The following PDE2A variants were observed in gnomAD, a reference collection of about 807,000 sequenced individuals.
PDE2A encodes phosphodiesterase 2A.
PDE2A carries 53 observed loss-of-function variants against 133.6 expected under a neutral mutation model. That is an observed-to-expected ratio of 0.40 (90% CI 0.32 to 0.50). The LOEUF (loss-of-function observed/expected upper bound fraction) is 0.50. Ranked by LOEUF, PDE2A falls within the 20% of genes least tolerant of loss-of-function variation. The pLI is 0.73. For synonymous variants in PDE2A, 491 were observed against 490.2 expected, an observed-to-expected ratio of 1.00 and a Z score of -0.02; for missense variants, 796 against 1,232.4, an observed-to-expected ratio of 0.65 and a Z score of 5.30.
chr11:72,591,397 A>G (rs566757785), intron 6 of PDE2A, 41 bp from the exon 7 acceptor site: 6 of 1,532,798 alleles, frequency 3.9e-6, no homozygotes, highest in East Asian at 2.2e-5. Flanking sequence ...GACCTCTCTC[A>G]GTGTCTGTCT....
intron 2 of PDE2A, among the ~76,000 whole-genome samples, chr11:72,641,165 C>T (rs767616012): frequency 8.1e-4 from 124 of 152,328 alleles, no homozygotes; most frequent in African/African-American, 2.8e-3. Context: ...TAGCCGCCCC[C>T]GTCAAGACCA....
chr11:72,673,421 A>ACACACC (rs761245734), intron 1 of PDE2A, among the ~76,000 whole-genome samples: 256 of 147,622 alleles, frequency 1.7e-3, no homozygotes, highest in South Asian at 9.7e-3. Flanking sequence ...ACACACACAT[A>ACACACC]CCCTGCCTAC....
rs1412968477 is a variant in PDE2A, at chr11:72,577,341, G to T, written c.*43C>A. 1 of 1,473,824 alleles carries T rather than the reference G, an allele frequency of 6.8e-7. No homozygotes were observed. 91.3% of individuals were successfully genotyped at this position (1,473,824 alleles called of 1,614,324 possible). A position where few individuals can be genotyped will look rare whatever the true frequency, so the allele number is the denominator to read the frequency against. On this transcript the variant is annotated 3_prime_UTR_variant, in exon 31 of 31. Transcript: ENST00000334456. Reference sequence around the variant, plus strand: ...GTGCATCTGGCCAGACCAGTGGAGGGCTGTGGGAGGTGGCCTGGGCAGGGA... The same window carrying T: ...GTGCATCTGGCCAGACCAGTGGAGGTCTGTGGGAGGTGGCCTGGGCAGGGA...
At chr11:72,667,083 G>C (rs1161357031) in intron 1 of PDE2A, among the ~76,000 whole-genome samples, 2 of 152,178 alleles carry the variant, frequency 1.3e-5, no homozygotes, top group African/African-American at 4.8e-5. Context: ...TCCAGTCTGG[G>C]TGAGAGTGTG....
At position 72,664,364 on chromosome 11, in the gene PDE2A, A is replaced by ATTTTTTTTTTTTTTT. The variant is rs34217943; in HGVS notation, c.71+9758_71+9772dup. 4.6e-4 allele frequency among the ~76,000 whole-genome samples: 32 copies of ATTTTTTTTTTTTTTT among 70,076 alleles called. 5 individuals carry two copies. The highest frequency in any genetic ancestry group is 6.0e-4 in the African/African-American group (10 of 16,554). The allele number at this position is 70,076 out of a possible 152,430, so 46.0% of individuals were successfully genotyped here. ...CAAAATAGGGCTAGCCCCTTGAAGG[A>ATTTTTTTTTTTTTTT]TTTTTTTTTTTTTTTTTTTTTTTTT... On this transcript the variant is annotated intron_variant, in intron 1 of 30. Coordinates refer to ENST00000334456, the MANE Select transcript of PDE2A (RefSeq NM_002599.5).
At chr11:72,612,592 G>GTT (rs1857261680) in intron 2 of PDE2A, among the ~76,000 whole-genome samples, 1 of 151,810 alleles carries the variant, frequency 6.6e-6, no homozygotes. Flanking sequence ...GCAGCATATA[G>GTT]TTCTATGGTT....
At chr11:72,602,213 T>TG (rs550771994) in intron 4 of PDE2A, among the ~76,000 whole-genome samples, 1 of 152,200 alleles carries the variant, frequency 6.6e-6, no homozygotes, top group South Asian at 2.1e-4. Flanking sequence ...CCAAACACAC[T>TG]GGGGGGATGC....
Position 72,577,336 on chromosome 11 carries a change from G to A in PDE2A, c.*48C>T, listed in dbSNP as rs371364645. The A allele has an allele frequency of 5.5e-6, 8 of 1,444,310 alleles. No homozygotes were observed. The highest frequency in any genetic ancestry group is 4.5e-5 in the East Asian group (2 of 44,024). 89.5% of individuals were successfully genotyped at this position (1,444,310 alleles called of 1,614,324 possible). On this transcript the variant is annotated 3_prime_UTR_variant, in exon 31 of 31. Transcript: ENST00000334456. ...TCCCAGTGCATCTGGCCAGACCAGT[G>A]GAGGGCTGTGGGAGGTGGCCTGGGC...
At chr11:72,589,853 C>T in intron 10 of PDE2A, 54 bp downstream of exon 10, 1 of 1,608,626 alleles carries the variant, frequency 6.2e-7, no homozygotes, top group Non-Finnish European at 8.5e-7. Flanking sequence ...CCCTCGGAGA[C>T]CCGAGTTCCT....
chr11:72,622,563 C>T (rs770414149), intron 2 of PDE2A, among the ~76,000 whole-genome samples: 2 of 152,298 alleles, frequency 1.3e-5, no homozygotes, highest in Non-Finnish European at 2.9e-5. Flanking sequence ...AACTTGAAGA[C>T]GTTATGCTAA....
At chr11:72,586,971 G>T (rs1410022025) in intron 13 of PDE2A, among the ~76,000 whole-genome samples, 1 of 152,098 alleles carries the variant, frequency 6.6e-6, no homozygotes, top group Admixed American at 6.6e-5. Context: ...TTACATTTGT[G>T]GTCCCTCAGC....
At chr11:72,649,280 T>C (rs1171843489) in intron 1 of PDE2A, 2 of 152,264 alleles carry the variant, frequency 1.3e-5, no homozygotes, top group African/African-American at 4.8e-5. Flanking sequence ...CCCAGAAGAA[T>C]TGCTCAAAAA....
chr11:72,673,410 CACACACACAT>C (rs962346423), intron 1 of PDE2A, among the ~76,000 whole-genome samples: 26 of 151,564 alleles, frequency 1.7e-4, no homozygotes, highest in Non-Finnish European at 3.5e-4. Flanking sequence ...CACACACACA[CACACACACAT>C]ACCCTGCCTA....
chr11:72,662,551 C>T (rs1855096991), intron 1 of PDE2A, among the ~76,000 whole-genome samples: 1 of 152,068 alleles, frequency 6.6e-6, no homozygotes, highest in Non-Finnish European at 1.5e-5. Flanking sequence ...GAGGGGGTGG[C>T]TTATGGGTGC....
At chr11:72,669,596 T>C (rs528091820) in intron 1 of PDE2A, among the ~76,000 whole-genome samples, 2 of 152,252 alleles carry the variant, frequency 1.3e-5, no homozygotes, top group South Asian at 4.2e-4. Flanking sequence ...GCCACAATCC[T>C]GTGTCTCAGA....
chr11:72,674,283 A>G lies in PDE2A; in HGVS notation c.-76T>C. The G allele has an allele frequency of 6.9e-7, 1 of 1,456,628 alleles. No individual in the cohort carries two copies. Among genetic ancestry groups the G allele is most frequent in the Non-Finnish European group, 9.3e-7 (1 of 1,071,622 alleles). The allele number at this position is 1,456,628 out of a possible 1,614,324, so 90.2% of individuals were successfully genotyped here. A position where few individuals can be genotyped will look rare whatever the true frequency, so the allele number is the denominator to read the frequency against. Reference sequence around the variant, plus strand: ...GTCCCCGCTGCCTGGAGTTCAGGGCAGGGCACCCCCAGCAGGCACAGGGAC... The same window carrying G: ...GTCCCCGCTGCCTGGAGTTCAGGGCGGGGCACCCCCAGCAGGCACAGGGAC... On this transcript the variant is annotated 5_prime_UTR_variant, in exon 1 of 31. Coordinates refer to ENST00000334456, the MANE Select transcript of PDE2A (RefSeq NM_002599.5).
intron 2 of PDE2A, among the ~76,000 whole-genome samples, chr11:72,633,887 C>T (rs948341283): frequency 1.9e-4 from 29 of 152,288 alleles, no homozygotes; most frequent in Non-Finnish European, 3.5e-4. Context: ...AAACCCTGGA[C>T]GCCTGATGCC....
chr11:72,612,837 G>A (rs11235548), intron 2 of PDE2A, among the ~76,000 whole-genome samples: 22,666 of 152,096 alleles, frequency 0.15, 2,471 homozygotes, highest in East Asian at 0.46. Context: ...CCATTACCAC[G>A]GACTTAGCTT....
At chr11:72,617,836 C>T (rs143595874) in intron 2 of PDE2A, among the ~76,000 whole-genome samples, 1 of 152,308 alleles carries the variant, frequency 6.6e-6, no homozygotes, top group South Asian at 2.1e-4. Context: ...ACTCCTGCCC[C>T]CTTTCCCTCT....
Sources: allele counts gnomAD v4.1 joint callset (sites outside exome capture counted in the v4.1 genomes callset), GRCh38; gene constraint gnomAD v4.1.1; transcripts MANE v1.5; gene names NCBI Gene and HGNC (gene_info 2026-07-23, HGNC 2026-07-21).